KCNMB2: variants seen among roughly 807,000 people sequenced by gnomAD.
The protein encoded by KCNMB2 is calcium-activated potassium channel subunit beta-2.
A neutral mutation model predicts 24.5 loss-of-function variants in KCNMB2; 9 were observed. That is an observed-to-expected ratio of 0.37 (90% confidence interval 0.22 to 0.64). The LOEUF (loss-of-function observed/expected upper bound fraction) is 0.64. Among genes scored for constraint, KCNMB2 ranks in the 30% least tolerant of loss-of-function variants. The probability of loss-of-function intolerance (pLI) is 0.63; values close to 1 mark genes in which losing one functional copy is unlikely to be tolerated. For missense variants in KCNMB2, 226 were observed against 284.3 expected, an observed-to-expected ratio of 0.79 and a Z score of 1.47; for synonymous variants, 109 against 104.4, an observed-to-expected ratio of 1.04 and a Z score of -0.27.
intron 1 of KCNMB2, among the ~76,000 whole-genome samples, chr3:178,722,412 G>A (rs1453461924): frequency 6.6e-6 from 1 of 152,164 alleles, no homozygotes; most frequent in African/African-American, 2.4e-5. Context: ...TTGGCATCTG[G>A]CACAGGCCTT....
At chr3:178,621,781 C>T (rs1462259356) in intron 1 of KCNMB2, among the ~76,000 whole-genome samples, 9 of 152,094 alleles carry the variant, frequency 5.9e-5, no homozygotes, top group Admixed American at 4.6e-4. Context: ...AGTATTATCC[C>T]CTATTTTCCA....
chr3:178,620,492 G>A (rs942418262), intron 1 of KCNMB2, among the ~76,000 whole-genome samples: 3 of 152,198 alleles, frequency 2.0e-5, no homozygotes, highest in Admixed American at 2.0e-4. Context: ...CAAGGTGCTA[G>A]CAGATTCAGT....
chr3:178,598,325 G>T (rs554326139), intron 1 of KCNMB2, among the ~76,000 whole-genome samples: 1 of 152,232 alleles, frequency 6.6e-6, no homozygotes, highest in Non-Finnish European at 1.5e-5. Context: ...GACAATAAAG[G>T]TCTGTAAAGC....
At chr3:178,669,910 A>T (rs2108581544) in intron 1 of KCNMB2, among the ~76,000 whole-genome samples, 1 of 152,190 alleles carries the variant, frequency 6.6e-6, no homozygotes, top group East Asian at 1.9e-4. Flanking sequence ...AACCACAGAG[A>T]TAAGAGAAAG....
At chr3:178,607,958 A>G (rs562414822) in intron 1 of KCNMB2, among the ~76,000 whole-genome samples, 35 of 152,294 alleles carry the variant, frequency 2.3e-4, no homozygotes, top group Middle Eastern at 3.4e-3. Flanking sequence ...TAAAATTTTA[A>G]TGTTTAGGAG....
intron 1 of KCNMB2, chr3:178,757,162 T>C (rs1724089915): frequency 1.4e-5 from 2 of 146,852 alleles, no homozygotes; most frequent in African/African-American, 5.0e-5. Flanking sequence ...TTAGCTAAGA[T>C]TGATAGGTTC....
chr3:178,635,851 T>C (rs1230565751), intron 1 of KCNMB2, among the ~76,000 whole-genome samples: 1 of 152,244 alleles, frequency 6.6e-6, no homozygotes, highest in Non-Finnish European at 1.5e-5. Flanking sequence ...TTATACAAAT[T>C]CAATACTTCA....
At chr3:178,761,034 T>TA (rs1480141080) in intron 1 of KCNMB2, among the ~76,000 whole-genome samples, 4 of 152,282 alleles carry the variant, frequency 2.6e-5, no homozygotes, top group South Asian at 2.1e-4. Context: ...TTGAATTTCA[T>TA]AAAAATGGGA....
chr3:178,805,231 T>C (rs1433433194), intron 1 of KCNMB2, among the ~76,000 whole-genome samples: 3 of 152,234 alleles, frequency 2.0e-5, no homozygotes, highest in South Asian at 2.1e-4. Flanking sequence ...ATAGCTCTGA[T>C]GCTGACCCAA....
At chr3:178,729,682 C>T (rs534593894) in intron 1 of KCNMB2, among the ~76,000 whole-genome samples, 1 of 152,214 alleles carries the variant, frequency 6.6e-6, no homozygotes, top group East Asian at 1.9e-4. Context: ...ATTTCATTTC[C>T]AGGCATATTT....
chr3:178,694,227 A>G lies in KCNMB2; in HGVS notation c.-67-113116A>G, dbSNP rs569375369. ...ACCTCATGAGAACTAACTCACTATC[A>G]CAAGAACAGAATGGGGGAAACCGCA... is the stretch of plus-strand genomic sequence containing the variant. On this transcript the variant is annotated intron_variant, in intron 1 of 4. Coordinates refer to ENST00000452583, the MANE Select transcript of KCNMB2 (RefSeq NM_181361.3). Among the ~76,000 whole-genome samples, 4 of 152,256 alleles carry G rather than the reference A, an allele frequency of 2.6e-5. No individual in the cohort carries two copies. The East Asian group carries it at 7.7e-4, about 29-fold the overall frequency.
intron 1 of KCNMB2, among the ~76,000 whole-genome samples, chr3:178,734,842 T>C (rs1723266725): frequency 6.6e-6 from 1 of 152,236 alleles, no homozygotes; most frequent in African/African-American, 2.4e-5. Context: ...GTCTCATTTT[T>C]AATGACTTCC....
intron 2 of KCNMB2, among the ~76,000 whole-genome samples, chr3:178,817,762 G>A (rs370249451): frequency 1.1e-4 from 16 of 152,270 alleles, no homozygotes; most frequent in African/African-American, 3.6e-4. Flanking sequence ...GTCTGTTCTA[G>A]CCATCATTCC....
intron 1 of KCNMB2, among the ~76,000 whole-genome samples, chr3:178,626,897 G>A (rs1356837975): frequency 6.7e-6 from 1 of 148,406 alleles, no homozygotes; most frequent in Non-Finnish European, 1.5e-5. Flanking sequence ...TATATATATA[G>A]TAAGTATATA....
intron 1 of KCNMB2, among the ~76,000 whole-genome samples, chr3:178,776,490 A>G (rs1712585176): frequency 6.6e-6 from 1 of 152,192 alleles, no homozygotes; most frequent in African/African-American, 2.4e-5. Context: ...AAATATGTAA[A>G]TATGATCGAG....
intron 1 of KCNMB2, among the ~76,000 whole-genome samples, chr3:178,578,997 T>A (rs1057343626): frequency 2.0e-5 from 3 of 152,154 alleles, no homozygotes; most frequent in African/African-American, 7.2e-5. Flanking sequence ...TATTCAGGAC[T>A]TGACCTCAGC....
At chr3:178,627,648 T>G (rs1191677638) in intron 1 of KCNMB2, among the ~76,000 whole-genome samples, 1 of 152,188 alleles carries the variant, frequency 6.6e-6, no homozygotes, top group Non-Finnish European at 1.5e-5. Context: ...TGGTGACCAT[T>G]TGATTTAAGG....
At position 178,700,434 on chromosome 3, in the gene KCNMB2, G is replaced by A. The variant is rs73047881; in HGVS notation, c.-67-106909G>A. ...CTCTTATAGCCTCCTATCCTTACCA[G>A]GGAGGTAAATTAAATCCCTGGACCA... On this transcript the variant is annotated intron_variant, in intron 1 of 4. Transcript: ENST00000452583. 1.7e-3 allele frequency among the ~76,000 whole-genome samples: 261 copies of A among 152,308 alleles called. 1 individual carries two copies. Among genetic ancestry groups the A allele is most frequent in the African/African-American group, 6.0e-3 (249 of 41,570 alleles).
chr3:178,537,075 T>C (rs539525953), intron 1 of KCNMB2, among the ~76,000 whole-genome samples: 1 of 152,030 alleles, frequency 6.6e-6, no homozygotes, highest in Admixed American at 6.6e-5. Flanking sequence ...GTGGAAGGCA[T>C]AAAGGTCCAA....
Sources: gnomAD v4.1 joint callset for allele counts (sites outside exome capture counted in the v4.1 genomes callset) on GRCh38, gnomAD v4.1.1 for gene constraint, MANE v1.5 for transcripts, NCBI Gene and HGNC (gene_info 2026-07-23, HGNC 2026-07-21) for gene names.